The following NSUN4 variants were observed in gnomAD, a reference collection of about 807,000 sequenced individuals.
The protein encoded by NSUN4 is 5-cytosine rRNA methyltransferase NSUN4.
A neutral mutation model predicts 43.8 loss-of-function variants in NSUN4; 31 were observed. The observed-to-expected ratio is 0.71, with a 90% CI of 0.53 to 0.96. The LOEUF (loss-of-function observed/expected upper bound fraction) is 0.96, where lower values mean the gene tolerates loss of function less well. Ranked by LOEUF, NSUN4 falls within the 40% of genes least tolerant of loss-of-function variation. The pLI is 0.00. For missense variants in NSUN4, 439 were observed against 475.6 expected, an observed-to-expected ratio of 0.92 and a Z score of 0.72; for synonymous variants, 167 against 184.1, an observed-to-expected ratio of 0.91 and a Z score of 0.75.
chr1:46,351,758 G>A (rs551235219), intron 3 of NSUN4, among the ~76,000 whole-genome samples: 13 of 137,654 alleles, frequency 9.4e-5, no homozygotes, highest in Non-Finnish European at 1.7e-4. Flanking sequence ...TCTGCCTCCC[G>A]GGTTCACGCC....
downstream of NSUN4, among the ~76,000 whole-genome samples, chr1:46,368,581 G>GA (rs1202062161): frequency 1.3e-5 from 2 of 152,134 alleles, no homozygotes; most frequent in Non-Finnish European, 1.5e-5. Flanking sequence ...CAGCATGAGT[G>GA]ACCCCAGCCA....
the NSUN4 span, among the ~76,000 whole-genome samples, chr1:46,374,890 G>GA: frequency 1.1e-3 from 150 of 138,356 alleles, 1 homozygote; most frequent in Middle Eastern, 3.6e-3. Context: ...CCCGTCTCTG[G>GA]AAAAAAAAAA....
intron 3 of NSUN4, among the ~76,000 whole-genome samples, chr1:46,350,760 C>G (rs968291444): frequency 2.6e-5 from 4 of 152,178 alleles, no homozygotes; most frequent in Non-Finnish European, 5.9e-5. Context: ...CCACAATTAT[C>G]AGGGACTTAA....
the NSUN4 span, among the ~76,000 whole-genome samples, chr1:46,376,712 ATGTGTGTGTGTGTGTG>A: frequency 6.7e-6 from 1 of 148,284 alleles, no homozygotes; most frequent in African/African-American, 2.5e-5. Context: ...TTTAGAGAGC[ATGTGTGTGTGTGTGTG>A]TGTGTGTGTG....
rs1380578339 is a variant in NSUN4, at chr1:46,362,557, T to C, written c.*711T>C. The C allele has an allele frequency of 6.6e-6, 1 of 152,256 alleles. No individual in the cohort carries two copies. Among genetic ancestry groups the C allele is most frequent in the Non-Finnish European group, 1.5e-5 (1 of 68,080 alleles). The allele number at this position is 152,256 out of a possible 1,614,324, so 9.4% of individuals were successfully genotyped here. A position where few individuals can be genotyped will look rare whatever the true frequency, so the allele number is the denominator to read the frequency against. ...ACTCTTGTGCGTGCCTTGTTCTTTG[T>C]TCATTCATCTAGCAGGTATTCCCAG... is the stretch of plus-strand genomic sequence containing the variant. On this transcript the variant is annotated 3_prime_UTR_variant, in exon 6 of 6. Transcript: ENST00000474844.
intron 2 of NSUN4, 133 bp downstream of exon 2, chr1:46,345,277 C>T: frequency 1.5e-6 from 1 of 666,324 alleles, no homozygotes; most frequent in Non-Finnish European, 2.5e-6. Context: ...ACAGACTAGG[C>T]ATTTTTTTGA....
chr1:46,358,376 A>G (rs6674726), intron 4 of NSUN4, among the ~76,000 whole-genome samples: 27,676 of 136,500 alleles, frequency 0.2, 3,781 homozygotes, highest in Non-Finnish European at 0.27. Context: ...GATTATAGGC[A>G]TGAGCTACTG....
chr1:46,345,150 A>G lies in NSUN4; in HGVS notation c.437+6A>G. On this transcript the variant is annotated splice_donor_region_variant and intron_variant, in intron 2 of 5. Coordinates refer to ENST00000474844, the MANE Select transcript of NSUN4 (RefSeq NM_199044.4). ...AGTCGCTTCCCTCCTGCCAGGTAGG[A>G]TCTGGAGCCATGACTGGAGCGGTCC... is the stretch of plus-strand genomic sequence containing the variant. 1.3e-6 allele frequency: 2 copies of G among 1,589,130 alleles called. No individual in the cohort carries two copies. The highest frequency in any genetic ancestry group is 1.7e-6 in the Non-Finnish European group (2 of 1,167,994).
intron 4 of NSUN4, among the ~76,000 whole-genome samples, chr1:46,359,809 G>A (rs1324694898): frequency 6.6e-6 from 1 of 152,048 alleles, no homozygotes; most frequent in Non-Finnish European, 1.5e-5. Context: ...GTCTCACTAT[G>A]TTTTCCAGAC....
Position 46,361,665 on chromosome 1 carries a change from T to C in NSUN4, c.974T>C (p.Ile325Thr), listed in dbSNP as rs13374337. ...LQNEYVVQGA[I>T]ELLANQYSIQ... is the part of the protein sequence containing the mutation. The stretch of plus-strand genomic sequence containing the variant: ...AACGAGTATGTGGTGCAAGGTGCCA[T>C]TGAGCTCCTGGCCAATCAATACAGC... The change falls in exon 6 of 6, where the codon ATT (isoleucine) becomes ACT (threonine). Residue 325 changes from isoleucine to threonine, a missense_variant. Transcript: ENST00000474844. 1,909 of 1,614,190 alleles carry C rather than the reference T, an allele frequency of 1.2e-3. 19 individuals carry two copies. In the African/African-American group the frequency reaches 0.021, roughly 18 times the overall value.
chr1:46,381,799 G>C, the NSUN4 span, among the ~76,000 whole-genome samples: 2 of 152,320 alleles, frequency 1.3e-5, no homozygotes, highest in South Asian at 4.1e-4. Context: ...GAAATGGGGT[G>C]AGGTGACCTC....
intron 3 of NSUN4, among the ~76,000 whole-genome samples, chr1:46,352,470 AAG>A (rs1663071786): frequency 6.6e-6 from 1 of 151,578 alleles, no homozygotes; most frequent in Non-Finnish European, 1.5e-5. Context: ...AACAAAAGGA[AAG>A]AGAGGGAGAG....
chr1:46,356,028 A>C (rs76771627), intron 4 of NSUN4, among the ~76,000 whole-genome samples: 18,210 of 151,834 alleles, frequency 0.12, 1,407 homozygotes, highest in South Asian at 0.37. Flanking sequence ...AAAAAAAAAA[A>C]ACTAGTTGTG....
chr1:46,355,198 C>T (rs1255228510), intron 4 of NSUN4, among the ~76,000 whole-genome samples: 1 of 152,158 alleles, frequency 6.6e-6, no homozygotes, highest in Non-Finnish European at 1.5e-5. Flanking sequence ...TAGTATAGTA[C>T]CTGGCGGTGA....
rs1183032353 is a variant in NSUN4 at position 46,362,739 on chromosome 1, CTT to C, written c.*897_*898del. On this transcript the variant is annotated 3_prime_UTR_variant, in exon 6 of 6. Transcript: ENST00000474844. ...ATGTTTTGTTTTGTTGGATTCCAGA[CTT>C]TTTGTTGTTTCTAGTCTGCAGCTGA... is the stretch of plus-strand genomic sequence containing the variant. 6.6e-6 allele frequency: 1 copy of C among 152,070 alleles called. No individual in the cohort carries two copies. The highest frequency in any genetic ancestry group is 1.5e-5 in the Non-Finnish European group (1 of 68,036). 9.4% of individuals were successfully genotyped at this position (152,070 alleles called of 1,614,324 possible).
chr1:46,380,766 G>A, the NSUN4 span, among the ~76,000 whole-genome samples: 4 of 152,178 alleles, frequency 2.6e-5, no homozygotes, highest in African/African-American at 9.7e-5. Context: ...TTTGAACTCA[G>A]GCAGTCTGGT....
intron 3 of NSUN4, among the ~76,000 whole-genome samples, chr1:46,348,791 C>T (rs1435800195): frequency 1.4e-4 from 19 of 137,500 alleles, no homozygotes; most frequent in African/African-American, 4.8e-4. Flanking sequence ...AGTAGCCCAG[C>T]GAAGGCCTTG....
intron 3 of NSUN4, 56 bp downstream of exon 3, chr1:46,347,131 C>G (rs1475789267): frequency 6.4e-7 from 1 of 1,563,742 alleles, no homozygotes; most frequent in East Asian, 2.3e-5. Context: ...CACCTAGTCC[C>G]AGGTACATTT....
chr1:46,358,686 C>A (rs1301072362), intron 4 of NSUN4, among the ~76,000 whole-genome samples: 1 of 152,030 alleles, frequency 6.6e-6, no homozygotes, highest in Non-Finnish European at 1.5e-5. Flanking sequence ...AGGTATGAGC[C>A]GCTGTGCCTG....
Sources: gnomAD v4.1 joint callset for allele counts (sites outside exome capture counted in the v4.1 genomes callset) on GRCh38, gnomAD v4.1.1 for gene constraint, MANE v1.5 for transcripts, NCBI Gene and HGNC (gene_info 2026-07-23, HGNC 2026-07-21) for gene names.